The following PAXIP1 variants were observed in gnomAD, a reference collection of about 807,000 sequenced individuals.
The protein encoded by PAXIP1 is PAX interacting protein 1.
In PAXIP1, 19 loss-of-function variants were observed where a neutral mutation model predicts 140.6. That is an observed-to-expected ratio of 0.14 (90% CI 0.09 to 0.20). The LOEUF is 0.20. PAXIP1 is among the 10% of genes least tolerant of loss of function. PAXIP1 has a pLI of 1.00. For synonymous variants in PAXIP1, 442 were observed against 444.6 expected (o/e 0.99, Z 0.07); for missense variants, 920 against 1,208.6 (o/e 0.76, Z 3.54).
In PAXIP1 at chr7:154,973,750, C is replaced by A. The variant is rs1213871572; in HGVS notation, c.1074+1946G>T. The stretch of plus-strand genomic sequence containing the variant: ...CATTGTCAACATCACCTTATACCTA[C>A]GCCATACTGAATTTCCCCACTTCAT... On this transcript the variant is annotated intron_variant, in intron 6 of 20. Transcript: ENST00000404141. The surrounding 1 kb of genome is among the most constrained non-coding windows in gnomAD (Gnocchi z 4.0). Among the ~76,000 whole-genome samples, 3 of 152,230 alleles carry A rather than the reference C, an allele frequency of 2.0e-5. No individual in the cohort carries two copies. The highest frequency in any genetic ancestry group is 7.2e-5 in the African/African-American group (3 of 41,458).
intron 1 of PAXIP1, among the ~76,000 whole-genome samples, chr7:155,002,618 G>A (rs1319456123): frequency 6.6e-6 from 1 of 151,762 alleles, no homozygotes; most frequent in Non-Finnish European, 1.5e-5. Context: ...CGCACTAGGG[G>A]CCGAGGTACA....
chr7:154,952,254 T>A (rs560902641), intron 16 of PAXIP1: 44 of 152,340 alleles, frequency 2.9e-4, no homozygotes, highest in African/African-American at 1.0e-3. Context: ...CTGAAATTTA[T>A]TTATGAACCC....
chr7:154,972,752 G>A (rs527757275), intron 6 of PAXIP1, among the ~76,000 whole-genome samples: 1 of 152,324 alleles, frequency 6.6e-6, no homozygotes, highest in South Asian at 2.1e-4. Context: ...ACTGCTGACA[G>A]GACAGGTCCA....
Position 154,944,037 on chromosome 7 carries a change from C to A in PAXIP1, c.*112G>T. 2.1e-6 allele frequency: 2 copies of A among 967,430 alleles called. No homozygotes were observed. The highest frequency in any genetic ancestry group is 3.3e-6 in the Non-Finnish European group (2 of 608,378). The allele number at this position is 967,430 out of a possible 1,614,324, so 59.9% of individuals were successfully genotyped here. On this transcript the variant is annotated 3_prime_UTR_variant, in exon 21 of 21. Coordinates refer to ENST00000404141, the MANE Select transcript of PAXIP1 (RefSeq NM_007349.4). ...CTTCCTGCTTCACAGTCTGATCCCC[C>A]AGGAAAGCAGCTGGAAAACAAGAGC... is the stretch of plus-strand genomic sequence containing the variant.
intron 2 of PAXIP1, among the ~76,000 whole-genome samples, chr7:154,998,272 C>T (rs1034463297): frequency 6.6e-6 from 1 of 152,190 alleles, no homozygotes; most frequent in Non-Finnish European, 1.5e-5. Flanking sequence ...CTTTGGGAGG[C>T]TGAGGCAGGC....
chr7:154,981,214 G>T (rs1452283568), intron 5 of PAXIP1, among the ~76,000 whole-genome samples: 3 of 152,104 alleles, frequency 2.0e-5, no homozygotes, highest in Non-Finnish European at 4.4e-5. Context: ...TCTTCAAGGG[G>T]ACAGCAGGAC....
chr7:154,976,502 G>C (rs1809588693), intron 5 of PAXIP1, among the ~76,000 whole-genome samples, 171 bp from the exon 6 acceptor site: 1 of 152,212 alleles, frequency 6.6e-6, no homozygotes, highest in African/African-American at 2.4e-5. Flanking sequence ...GAGGACATGA[G>C]GCAAAAGTGA....
chr7:154,961,513 G>T lies in PAXIP1; in HGVS notation c.2249+14C>A. Reference sequence around the variant, plus strand: ...TAAATTTATGATTAAAAACAGTTTCGAAAATTTGCTTACTCTTTACAGATG... The same window carrying T: ...TAAATTTATGATTAAAAACAGTTTCTAAAATTTGCTTACTCTTTACAGATG... On this transcript the variant is annotated intron_variant, in intron 11 of 20. Coordinates refer to ENST00000404141, the MANE Select transcript of PAXIP1 (RefSeq NM_007349.4). 1 of 1,568,616 alleles carries T rather than the reference G, an allele frequency of 6.4e-7. No homozygotes were observed. The highest frequency in any genetic ancestry group is 8.7e-7 in the Non-Finnish European group (1 of 1,155,988).
rs921078908 is a variant in PAXIP1, at chr7:154,943,991, C to G, written c.*158G>C. ...TAAAATTGCACATCTTAAAAAGATG[C>G]AGTATATTTATTATATCTGTCTTCC... On this transcript the variant is annotated 3_prime_UTR_variant, in exon 21 of 21. Transcript: ENST00000404141. 5 of 694,284 alleles carry G rather than the reference C, an allele frequency of 7.2e-6. No homozygotes were observed. In the African/African-American group the frequency reaches 8.9e-5, roughly 12 times the overall value. The allele number at this position is 694,284 out of a possible 1,614,324, so 43.0% of individuals were successfully genotyped here.
At position 154,975,759 on chromosome 7, in the gene PAXIP1, T is replaced by A; in HGVS notation, c.1011A>T (p.Thr337=). The A allele has an allele frequency of 6.2e-7, 1 of 1,613,964 alleles. No homozygotes were observed. ...MIATWSPAVR[T]LRNITNNADI... ...CAGCATTATTAGTAATATTCCTCAGTGTCCGTACAGCTGGACTCCAGGTAG... is the reference window on the plus strand; with the variant it reads ...CAGCATTATTAGTAATATTCCTCAGAGTCCGTACAGCTGGACTCCAGGTAG... The change falls in exon 6 of 21, where the codon ACA becomes ACT. Residue 337 remains threonine, a synonymous_variant. Coordinates refer to ENST00000404141, the MANE Select transcript of PAXIP1 (RefSeq NM_007349.4).
chr7:154,950,865 G>C (rs2150740895), intron 16 of PAXIP1: 2 of 152,324 alleles, frequency 1.3e-5, no homozygotes, highest in Middle Eastern at 3.4e-3. Context: ...AGCAAAGGAA[G>C]CAAATCTGAA....
In PAXIP1 at chr7:154,993,707, C is replaced by A. The variant is rs372785208; in HGVS notation, c.260+19G>T. 88 of 1,574,828 alleles carry A rather than the reference C, an allele frequency of 5.6e-5. No homozygotes were observed. Among genetic ancestry groups the A allele is most frequent in the Non-Finnish European group, 7.3e-5 (84 of 1,156,396 alleles). On this transcript the variant is annotated intron_variant, in intron 3 of 20. Transcript: ENST00000404141. Reference sequence around the variant, plus strand: ...CAGAGTTACCCTTTCCCTCCTCCCCCACTCAAAAAAAAGGATACGGCAGAA... The same window carrying A: ...CAGAGTTACCCTTTCCCTCCTCCCCAACTCAAAAAAAAGGATACGGCAGAA...
chr7:154,981,363 C>G (rs1326185515), intron 5 of PAXIP1, among the ~76,000 whole-genome samples: 2 of 152,056 alleles, frequency 1.3e-5, no homozygotes, highest in Non-Finnish European at 2.9e-5. Flanking sequence ...AGAAGAAACA[C>G]AGTAAGCATT....
chr7:154,994,718 CTAAA>C (rs1810494908), intron 2 of PAXIP1, among the ~76,000 whole-genome samples: 1 of 152,016 alleles, frequency 6.6e-6, no homozygotes, highest in Non-Finnish European at 1.5e-5. Flanking sequence ...CAGCATAACT[CTAAA>C]TAAGTATATT....
Position 154,947,160 on chromosome 7 carries a change from T to A in PAXIP1, c.2923-347A>T, listed in dbSNP as rs146963589. 11 of 191,252 alleles carry A rather than the reference T, an allele frequency of 5.8e-5. No homozygotes were observed. The East Asian group carries it at 1.6e-3, about 28-fold the overall frequency. The allele number at this position is 191,252 out of a possible 1,614,324, so 11.8% of individuals were successfully genotyped here. A position where few individuals can be genotyped will look rare whatever the true frequency, so the allele number is the denominator to read the frequency against. The stretch of plus-strand genomic sequence containing the variant: ...TCAGCATTATATTTCACCACACTTA[T>A]CTGCCCAGCAACAGCCTCTGGCATA... On this transcript the variant is annotated intron_variant, in intron 17 of 20. Coordinates refer to ENST00000404141, the MANE Select transcript of PAXIP1 (RefSeq NM_007349.4).
rs932226917 is a variant in PAXIP1, at chr7:155,003,096, C to G, written c.-167G>C. On this transcript the variant is annotated 5_prime_UTR_variant, in exon 1 of 21. Coordinates refer to ENST00000404141, the MANE Select transcript of PAXIP1 (RefSeq NM_007349.4). ...TCCGCTCCCCCGCCCTCCGCGCCCC[C>G]GCCCGCGCCCGCGCCGAGCGCCCGA... is the stretch of plus-strand genomic sequence containing the variant. The G allele has an allele frequency of 2.3e-4, 38 of 167,556 alleles. No homozygotes were observed. Among genetic ancestry groups the G allele is most frequent in the African/African-American group, 7.6e-4 (31 of 40,590 alleles). The allele number at this position is 167,556 out of a possible 1,614,324, so 10.4% of individuals were successfully genotyped here. A position where few individuals can be genotyped will look rare whatever the true frequency, so the allele number is the denominator to read the frequency against.
intron 16 of PAXIP1, chr7:154,948,914 A>G (rs1303446773): frequency 6.6e-6 from 1 of 152,186 alleles, no homozygotes. Flanking sequence ...AGCAATTTAT[A>G]AAGGATAGTT....
intron 20 of PAXIP1, 103 bp from the exon 21 acceptor site, chr7:154,944,267 G>C: frequency 1.0e-6 from 1 of 964,116 alleles, no homozygotes; most frequent in South Asian, 1.6e-5. Flanking sequence ...ACCCTTGAAG[G>C]AATGCTACAG....
intron 20 of PAXIP1, chr7:154,944,832 TA>T (rs1807858581): frequency 6.6e-6 from 1 of 152,150 alleles, no homozygotes; most frequent in Admixed American, 6.5e-5. Context: ...GCTCCTACAA[TA>T]ATTTTCTAAT....
Sources: gnomAD v4.1 joint callset for allele counts (sites outside exome capture counted in the v4.1 genomes callset) on GRCh38, gnomAD v4.1.1 for gene constraint, Gnocchi (gnomAD v3.1) non-coding constraint, MANE v1.5 for transcripts, NCBI Gene and HGNC (gene_info 2026-07-23, HGNC 2026-07-21) for gene names.